GSG1L: variants seen among roughly 807,000 people sequenced by gnomAD.
GSG1L encodes germ cell-specific gene 1-like protein.
GSG1L carries 24 observed loss-of-function variants against 42.1 expected under a neutral mutation model. The observed-to-expected ratio is 0.57, with a 90% confidence interval of 0.41 to 0.80. The LOEUF (loss-of-function observed/expected upper bound fraction) is 0.80, where lower values mean the gene tolerates loss of function less well. Ranked by LOEUF, GSG1L falls within the 30% of genes least tolerant of loss-of-function variation. The pLI is 0.00. For missense variants in GSG1L, 445 were observed against 472.2 expected (o/e 0.94, Z 0.53); for synonymous variants, 215 against 203.5 (o/e 1.06, Z -0.48).
At chr16:28,022,224 G>A (rs573414448) in intron 1 of GSG1L, among the ~76,000 whole-genome samples, 42 of 152,172 alleles carry the variant, frequency 2.8e-4, no homozygotes, top group African/African-American at 9.4e-4. Context: ...GCTGGGTGGT[G>A]GCAATATTTT....
chr16:27,888,983 CA>C (rs1224412343), intron 2 of GSG1L, among the ~76,000 whole-genome samples: 1 of 83,452 alleles, frequency 1.2e-5, no homozygotes, highest in Non-Finnish European at 3.0e-5. Context: ...GATAGATATA[CA>C]GATATATAGA....
rs71140935 is a variant in GSG1L at position 27,973,439 on chromosome 16, C to CAAAAAAAAAAAAAAAAAAAAA, written c.350-10257_350-10237dup. Among the ~76,000 whole-genome samples the CAAAAAAAAAAAAAAAAAAAAA allele has an allele frequency of 6.7e-5, 2 of 29,848 alleles. 1 individual carries two copies. 19.6% of individuals were successfully genotyped at this position (29,848 alleles called of 152,430 possible). On this transcript the variant is annotated intron_variant, in intron 1 of 6. Coordinates refer to ENST00000447459, the MANE Select transcript of GSG1L (RefSeq NM_001109763.2). ...AGCCTGGGCAATAAAGACCCCATCACAAAAAAAAAAAAAAAAAAAAAAAAA... is the reference window on the plus strand; with the variant it reads ...AGCCTGGGCAATAAAGACCCCATCACAAAAAAAAAAAAAAAAAAAAAAAAAAAAAAAAAAAAAAAAAAAAAA...
At chr16:28,056,356 C>A (rs910773312) in intron 1 of GSG1L, among the ~76,000 whole-genome samples, 1 of 151,250 alleles carries the variant, frequency 6.6e-6, no homozygotes, top group African/African-American at 2.4e-5. Flanking sequence ...TCATTCTCAG[C>A]AAACTATCGC....
intron 4 of GSG1L, among the ~76,000 whole-genome samples, chr16:27,832,293 A>G (rs1261377417): frequency 6.6e-6 from 1 of 152,194 alleles, no homozygotes; most frequent in East Asian, 1.9e-4. Context: ...ACAATATTAC[A>G]ATATCACAAG....
chr16:27,951,103 G>T (rs976472198), intron 2 of GSG1L, among the ~76,000 whole-genome samples: 2 of 152,196 alleles, frequency 1.3e-5, no homozygotes, highest in African/African-American at 2.4e-5. Flanking sequence ...CAAGATGGAC[G>T]AAGGTTACTG....
chr16:28,061,733 G>A (rs904968202), intron 1 of GSG1L, among the ~76,000 whole-genome samples: 2 of 152,150 alleles, frequency 1.3e-5, no homozygotes, highest in African/African-American at 4.8e-5. Flanking sequence ...GGAGATAAAC[G>A]CAGTGGTGAG....
chr16:27,840,988 C>T (rs1473981666), intron 4 of GSG1L, among the ~76,000 whole-genome samples: 1 of 152,158 alleles, frequency 6.6e-6, no homozygotes, highest in East Asian at 1.9e-4. Context: ...CAGATGAGCC[C>T]GGTCCACCAC....
intron 2 of GSG1L, among the ~76,000 whole-genome samples, chr16:27,890,945 GCGGTGCTCCCAGC>G: frequency 6.6e-6 from 1 of 152,248 alleles, no homozygotes; most frequent in African/African-American, 2.4e-5. Flanking sequence ...CACAGCCGGT[GCGGTGCTCCCAGC>G]CTGCCCACGG....
chr16:27,861,495 C>G (rs547061482), intron 3 of GSG1L, among the ~76,000 whole-genome samples: 1 of 152,302 alleles, frequency 6.6e-6, no homozygotes, highest in South Asian at 2.1e-4. Context: ...TTTGACCCAG[C>G]AATTCCACCT....
At chr16:27,908,783 A>G (rs968498712) in intron 2 of GSG1L, among the ~76,000 whole-genome samples, 9 of 152,196 alleles carry the variant, frequency 5.9e-5, no homozygotes, top group African/African-American at 1.7e-4. Flanking sequence ...TAAGTTTCCA[A>G]CACATGAATT....
intron 3 of GSG1L, among the ~76,000 whole-genome samples, chr16:27,854,837 A>C (rs925951137): frequency 1.3e-5 from 2 of 152,134 alleles, no homozygotes; most frequent in Non-Finnish European, 2.9e-5. Context: ...GAGGACAAGG[A>C]GAAAGTTCTC....
At chr16:27,934,884 G>A (rs1596624964) in intron 2 of GSG1L, among the ~76,000 whole-genome samples, 1 of 152,310 alleles carries the variant, frequency 6.6e-6, no homozygotes, top group African/African-American at 2.4e-5. Context: ...CTGGAATGTA[G>A]CTCACATATT....
intron 2 of GSG1L, among the ~76,000 whole-genome samples, chr16:27,895,754 A>G (rs1358814169): frequency 1.3e-5 from 2 of 152,210 alleles, no homozygotes; most frequent in Non-Finnish European, 2.9e-5. Context: ...CTCACTCGGA[A>G]TCTTCCTTTA....
chr16:27,822,375 A>G (rs931285129), intron 5 of GSG1L, among the ~76,000 whole-genome samples: 1 of 152,210 alleles, frequency 6.6e-6, no homozygotes, highest in African/African-American at 2.4e-5. Context: ...GAGGCACTGC[A>G]TAACTTTCTA....
chr16:27,974,080 C>T (rs530414157), intron 1 of GSG1L, among the ~76,000 whole-genome samples: 124 of 152,270 alleles, frequency 8.1e-4, no homozygotes, highest in African/African-American at 2.9e-3. Context: ...GCATCTCCTG[C>T]CCTAGGAAGG....
rs1174353861 is a variant in GSG1L at position 27,963,170 on chromosome 16, G to A, written c.383C>T (p.Pro128Leu). Residue 128 changes from proline (P) to leucine (L), a missense_variant, in exon 2 of 7, where the codon CCG becomes CTG. Around this residue, in one of 3 missense-constraint regions of GSG1L, gnomAD observed 149 missense variants for 223.3 expected, o/e 0.67. Transcript: ENST00000447459. ...GTCACACTCACCTTTCTCCGATGCC[G>A]GGGCCAGGTCAATGAAGCTGCGACA... Reference protein sequence around the residue: ...EKCRSFIDLAPASEKGVLWLS... With the variant: ...EKCRSFIDLALASEKGVLWLS... The A allele has an allele frequency of 1.9e-6, 3 of 1,613,278 alleles. No individual in the cohort carries two copies. The highest frequency in any genetic ancestry group is 2.5e-6 in the Non-Finnish European group (3 of 1,179,314).
At position 28,019,360 on chromosome 16, in the gene GSG1L, C is replaced by T. The variant is rs570215875; in HGVS notation, c.349+43716G>A. 2.6e-5 allele frequency among the ~76,000 whole-genome samples: 4 copies of T among 152,308 alleles called. No homozygotes were observed. In the South Asian group the frequency reaches 8.3e-4, roughly 32 times the overall value. On this transcript the variant is annotated intron_variant, in intron 1 of 6. Coordinates refer to ENST00000447459, the MANE Select transcript of GSG1L (RefSeq NM_001109763.2). ...ATTAGCATGCTAAGAGACACTCCCA[C>T]CAGCGCCATGACGGTTCAAAGATGC...
intron 3 of GSG1L, among the ~76,000 whole-genome samples, chr16:27,856,640 T>C (rs1355679579): frequency 2.6e-5 from 4 of 152,232 alleles, no homozygotes; most frequent in Non-Finnish European, 5.9e-5. Flanking sequence ...AATGGTAATT[T>C]CTTTTTGACA....
intron 5 of GSG1L, among the ~76,000 whole-genome samples, chr16:27,821,670 G>A (rs1433104546): frequency 6.6e-6 from 1 of 152,150 alleles, no homozygotes; most frequent in Non-Finnish European, 1.5e-5. Flanking sequence ...GGAGGCAGAG[G>A]AGGGCGGATC....
Sources: gnomAD v4.1 joint callset for allele counts (sites outside exome capture counted in the v4.1 genomes callset) on GRCh38, gnomAD v4.1.1 for gene constraint, gnomAD v4.1.1 regional missense constraint, MANE v1.5 for transcripts, NCBI Gene and HGNC (gene_info 2026-07-23, HGNC 2026-07-21) for gene names.